Variants in FOXN3 observed in about 807,000 individuals in gnomAD.
The protein encoded by FOXN3 is forkhead box protein N3.
FOXN3 carries 7 observed loss-of-function variants against 38.4 expected under a neutral mutation model. The ratio of observed to expected loss-of-function variants is 0.18; its 90% CI spans 0.10 to 0.34. The LOEUF is 0.34. FOXN3 is among the 10% of genes least tolerant of loss of function. FOXN3 has a pLI of 1.00. For missense variants in FOXN3, 456 were observed against 613.4 expected, an observed-to-expected ratio of 0.74 and a Z score of 2.71; for synonymous variants, 230 against 242.2, an observed-to-expected ratio of 0.95 and a Z score of 0.47.
intron 1 of FOXN3, among the ~76,000 whole-genome samples, chr14:89,513,030 C>T (rs986116727): frequency 5.9e-5 from 9 of 151,306 alleles, no homozygotes; most frequent in African/African-American, 1.9e-4. Flanking sequence ...ATCCCAGCTA[C>T]TTGGGAGGCT....
chr14:89,368,051 G>A (rs7140464), intron 2 of FOXN3, among the ~76,000 whole-genome samples: 51,922 of 151,852 alleles, frequency 0.34, 9,060 homozygotes, highest in South Asian at 0.53. Flanking sequence ...ATCCCAGGCC[G>A]GGCACAGTGG....
intron 3 of FOXN3, among the ~76,000 whole-genome samples, chr14:89,339,566 G>A (rs1888558075): frequency 6.6e-6 from 1 of 152,200 alleles, no homozygotes; most frequent in Non-Finnish European, 1.5e-5. Flanking sequence ...GACCTCTCTG[G>A]GGCACTAAAG....
upstream of FOXN3, among the ~76,000 whole-genome samples, chr14:89,418,274 C>G (rs549792553): frequency 1.3e-4 from 20 of 152,116 alleles, no homozygotes; most frequent in African/African-American, 4.8e-4. Context: ...CGTGAGCGGT[C>G]TGAAAACTAC....
At chr14:89,574,849 A>G (rs372438877) in intron 1 of FOXN3, among the ~76,000 whole-genome samples, 14 of 152,046 alleles carry the variant, frequency 9.2e-5, no homozygotes, top group East Asian at 3.9e-4. Flanking sequence ...TCTCTTCCCT[A>G]TGAAAATCAG....
At chr14:89,366,809 A>G (rs550379215) in intron 2 of FOXN3, among the ~76,000 whole-genome samples, 3 of 152,208 alleles carry the variant, frequency 2.0e-5, no homozygotes, top group East Asian at 1.9e-4. Context: ...CAATAAAGGT[A>G]ACGTGGGCCT....
At chr14:89,512,476 G>A (rs1894112714) in intron 1 of FOXN3, among the ~76,000 whole-genome samples, 1 of 152,188 alleles carries the variant, frequency 6.6e-6, no homozygotes, top group Admixed American at 6.5e-5. Flanking sequence ...AAAATTGTGG[G>A]AAAGTGACTA....
In FOXN3 at chr14:89,374,845, C is replaced by T. The variant is rs532356484; in HGVS notation, c.544-24037G>A. ...AAAAAAAATTAGCCAGGTGTGGTGG[C>T]GCACGCCTGTAATCCCAGCTACTCA... On this transcript the variant is annotated intron_variant, in intron 2 of 5. Transcript: ENST00000557258. 1.6e-4 allele frequency among the ~76,000 whole-genome samples: 24 copies of T among 151,854 alleles called. No homozygotes were observed. In the East Asian group the frequency reaches 1.7e-3, roughly 11 times the overall value.
chr14:89,196,375 T>C (rs1888100342), intron 4 of FOXN3, among the ~76,000 whole-genome samples: 1 of 152,258 alleles, frequency 6.6e-6, no homozygotes, highest in East Asian at 1.9e-4. Flanking sequence ...GCACTAGACA[T>C]GAGGATTCTT....
Position 89,414,822 on chromosome 14 carries a change from A to T in FOXN3, c.-15+2049T>A, listed in dbSNP as rs536048692. Among the ~76,000 whole-genome samples, 19 of 152,254 alleles carry T rather than the reference A, an allele frequency of 1.2e-4. No homozygotes were observed. In the South Asian group the frequency reaches 3.9e-3, roughly 32 times the overall value. ...CGCCTCGGCCTCCCAAAGTGCTGGG[A>T]TTACAGGCGTGAGCCACCGCGCCTG... On this transcript the variant is annotated intron_variant, in intron 1 of 5. Transcript: ENST00000557258.
intron 1 of FOXN3, among the ~76,000 whole-genome samples, chr14:89,512,707 C>T (rs980253973): frequency 6.6e-6 from 1 of 152,254 alleles, no homozygotes; most frequent in Non-Finnish European, 1.5e-5. Context: ...TCTCAACTGC[C>T]TTCAGCTCAA....
chr14:89,244,763 A>C (rs561429763), intron 4 of FOXN3, among the ~76,000 whole-genome samples: 12 of 152,252 alleles, frequency 7.9e-5, no homozygotes, highest in Non-Finnish European at 1.2e-4. Context: ...AGATACGTAC[A>C]AAACAGTGTC....
intron 3 of FOXN3, 83 bp downstream of exon 3, chr14:89,350,589 C>T (rs953827679): frequency 4.2e-6 from 5 of 1,178,914 alleles, no homozygotes; most frequent in Non-Finnish European, 4.6e-6. Context: ...TCTCGTACGG[C>T]CTATTAAATT....
At chr14:89,539,964 G>A (rs1438432639) in intron 1 of FOXN3, among the ~76,000 whole-genome samples, 1 of 152,176 alleles carries the variant, frequency 6.6e-6, no homozygotes, top group Non-Finnish European at 1.5e-5. Flanking sequence ...GATTTTCAAG[G>A]AAATGAGTTT....
At chr14:89,568,532 T>G (rs1895414732) in intron 1 of FOXN3, among the ~76,000 whole-genome samples, 1 of 152,230 alleles carries the variant, frequency 6.6e-6, no homozygotes, top group African/African-American at 2.4e-5. Flanking sequence ...ATGTGCACAG[T>G]GAACTCCTTC....
intron 1 of FOXN3, among the ~76,000 whole-genome samples, chr14:89,497,933 G>T (rs1350454427): frequency 1.4e-5 from 2 of 139,766 alleles, no homozygotes; most frequent in East Asian, 2.0e-4. Flanking sequence ...GTTTTTTTTT[G>T]AAATGTTAGC....
intron 3 of FOXN3, among the ~76,000 whole-genome samples, chr14:89,298,312 A>G (rs1245078509): frequency 6.6e-6 from 1 of 152,082 alleles, no homozygotes; most frequent in Non-Finnish European, 1.5e-5. Context: ...TTGTTTAATG[A>G]GTACAGGGTT....
At chr14:89,518,396 C>T (rs1474818997) in intron 1 of FOXN3, among the ~76,000 whole-genome samples, 1 of 152,180 alleles carries the variant, frequency 6.6e-6, no homozygotes, top group Non-Finnish European at 1.5e-5. Flanking sequence ...ACCTTGCTCT[C>T]CTGGCAAGAC....
rs750854893 is a variant in FOXN3 at position 89,162,365 on chromosome 14, A to G, written c.*49T>C. 3 of 1,440,472 alleles carry G rather than the reference A, an allele frequency of 2.1e-6. No homozygotes were observed. The highest frequency in any genetic ancestry group is 1.4e-5 in the African/African-American group (1 of 69,954). The allele number at this position is 1,440,472 out of a possible 1,614,324, so 89.2% of individuals were successfully genotyped here. The stretch of plus-strand genomic sequence containing the variant: ...CACAAATCATTAGAAATCTCCTGAC[A>G]TGCTGAAACCAAATGGTCGTAAGTT... On this transcript the variant is annotated 3_prime_UTR_variant, in exon 6 of 6. Coordinates refer to ENST00000557258, the MANE Select transcript of FOXN3 (RefSeq NM_005197.4). This position sits in a 1 kb window ranked among gnomAD's most constrained non-coding sequence, Gnocchi z 7.2.
chr14:89,381,731 G>A (rs772723073), intron 2 of FOXN3, among the ~76,000 whole-genome samples: 9 of 151,848 alleles, frequency 5.9e-5, no homozygotes, highest in Admixed American at 1.3e-4. Flanking sequence ...GTGATGGTGC[G>A]CACCTGTGGT....
Sources: allele counts gnomAD v4.1 joint callset (sites outside exome capture counted in the v4.1 genomes callset), GRCh38; gene constraint gnomAD v4.1.1; non-coding constraint Gnocchi (gnomAD v3.1); transcripts MANE v1.5; gene names NCBI Gene and HGNC (gene_info 2026-07-23, HGNC 2026-07-21).